APOL2: variants seen among roughly 807,000 people sequenced by gnomAD.
APOL2 encodes the protein apolipoprotein L2, also known as apolipoprotein L, 2.
Under a neutral mutation model 7.1 loss-of-function variants are expected in APOL2, and 8 were observed. The observed-to-expected ratio is 1.12, with a 90% CI of 0.66 to 2.03. APOL2 has a LOEUF of 2.03. Ranked by LOEUF, APOL2 falls within the 30% of genes most tolerant of loss-of-function variation. The pLI, the probability that APOL2 is intolerant of heterozygous loss-of-function variation, is 0.00. For synonymous variants in APOL2, 177 were observed against 159.9 expected (o/e 1.11, Z -0.81); for missense variants, 471 against 415.1 (o/e 1.13, Z -1.17).
rs867579801 is a variant in APOL2 at position 36,228,856 on chromosome 22, G to A, written c.138-576C>T. ...TATTTGGTGTCTTTCCTGACTTCCA[G>A]AGGACTTGGGGACTAAAGGTGTGAG... On this transcript the variant is annotated intron_variant, in intron 4 of 4. Coordinates refer to ENST00000358502, the MANE Select transcript of APOL2 (RefSeq NM_030882.4). 4.7e-4 allele frequency among the ~76,000 whole-genome samples: 71 copies of A among 152,336 alleles called. 1 individual carries two copies. Among genetic ancestry groups the A allele is most frequent in the African/African-American group, 1.5e-3 (64 of 41,566 alleles).
Position 36,238,692 on chromosome 22 carries a change from T to C in APOL2, c.-134+749A>G, listed in dbSNP as rs552130826. On this transcript the variant is annotated intron_variant, in intron 1 of 4. Coordinates refer to ENST00000358502, the MANE Select transcript of APOL2 (RefSeq NM_030882.4). The stretch of plus-strand genomic sequence containing the variant: ...TGCAAAGCTGGCATCATGCCACAGG[T>C]ACCATTCTGCAATGCGACCTTCTCA... Among the ~76,000 whole-genome samples, 7 of 152,288 alleles carry C rather than the reference T, an allele frequency of 4.6e-5. No individual in the cohort carries two copies. In the South Asian group the frequency reaches 1.0e-3, roughly 23 times the overall value.
chr22:36,231,227 G>A, intron 4 of APOL2, 113 bp downstream of exon 4: 1 of 1,405,688 alleles, frequency 7.1e-7, no homozygotes, highest in South Asian at 1.4e-5. Context: ...TCATCCTCAA[G>A]CCCAGCAGAG....
At chr22:36,232,323 C>T (rs534287157) in intron 3 of APOL2, among the ~76,000 whole-genome samples, 122 of 152,220 alleles carry the variant, frequency 8.0e-4, no homozygotes, top group Non-Finnish European at 1.4e-3. Context: ...GGGAATGAGG[C>T]CCTGCCTGAG....
intron 3 of APOL2, among the ~76,000 whole-genome samples, chr22:36,231,912 G>A (rs1034215346): frequency 1.1e-4 from 16 of 152,196 alleles, no homozygotes; most frequent in Non-Finnish European, 2.1e-4. Context: ...TGGCTCTTCT[G>A]AGTCCACCTG....
At chr22:36,238,680 T>C (rs1248702488) in intron 1 of APOL2, among the ~76,000 whole-genome samples, 3 of 152,222 alleles carry the variant, frequency 2.0e-5, no homozygotes, top group East Asian at 1.9e-4. Context: ...AAAGCTGGCA[T>C]CATGCCACAG....
intron 1 of APOL2, among the ~76,000 whole-genome samples, chr22:36,235,702 C>A (rs2015374118): frequency 7.0e-6 from 1 of 143,410 alleles, no homozygotes; most frequent in South Asian, 2.4e-4. Context: ...ACAGGGTGTT[C>A]TAAGAAAGCT....
At chr22:36,238,010 C>G (rs2015469425) in intron 1 of APOL2, among the ~76,000 whole-genome samples, 1 of 152,182 alleles carries the variant, frequency 6.6e-6, no homozygotes, top group South Asian at 2.1e-4. Context: ...GCTGCCTGGT[C>G]CATGCGGCGG....
intron 1 of APOL2, among the ~76,000 whole-genome samples, chr22:36,234,804 T>A (rs548811072): frequency 6.6e-6 from 1 of 152,338 alleles, no homozygotes; most frequent in Non-Finnish European, 1.5e-5. Flanking sequence ...AGGAAGTGTG[T>A]ACCATTGGTA....
intron 1 of APOL2, among the ~76,000 whole-genome samples, chr22:36,233,761 C>T (rs530882160): frequency 5.3e-5 from 8 of 152,322 alleles, no homozygotes; most frequent in Non-Finnish European, 8.8e-5. Flanking sequence ...CACAATAGTG[C>T]TAGAGCCAGG....
intron 4 of APOL2, among the ~76,000 whole-genome samples, chr22:36,230,020 G>A (rs149810223): frequency 7.6e-4 from 116 of 152,342 alleles, no homozygotes; most frequent in Middle Eastern, 3.4e-3. Context: ...TGATGCCTTA[G>A]CAGTGACAGC....
chr22:36,234,913 C>T (rs1008640279), intron 1 of APOL2, among the ~76,000 whole-genome samples: 5 of 152,332 alleles, frequency 3.3e-5, no homozygotes, highest in East Asian at 1.9e-4. Flanking sequence ...CCCAGACAGA[C>T]GGACTCAAGA....
chr22:36,236,584 T>C (rs1012298802), intron 1 of APOL2: 2 of 985,292 alleles, frequency 2.0e-6, no homozygotes, highest in African/African-American at 3.5e-5. Context: ...ATCACCATTG[T>C]TCTTTTCTCA....
intron 4 of APOL2, among the ~76,000 whole-genome samples, chr22:36,230,440 G>T (rs951874890): frequency 6.6e-6 from 1 of 152,122 alleles, no homozygotes; most frequent in Non-Finnish European, 1.5e-5. Flanking sequence ...CATGTCCTCT[G>T]CAAGTTCATG....
At position 36,228,057 on chromosome 22, in the gene APOL2, T is replaced by G; in HGVS notation, c.361A>C (p.Asn121His). The G allele has an allele frequency of 1.9e-6, 3 of 1,614,204 alleles. No homozygotes were observed. The highest frequency in any genetic ancestry group is 2.5e-6 in the Non-Finnish European group (3 of 1,180,014). Residue 121 changes from asparagine to histidine, a missense_variant, in exon 5 of 5, where the codon AAC becomes CAC. Physicochemically the swap from Asn to His is moderately conservative, Grantham distance 68. Transcript: ENST00000358502. ...ATGCCAGAGGTAGTGCCAACAGAGTTGGACACCACATTGGCAATGGTGGTG... is the reference window on the plus strand; with the variant it reads ...ATGCCAGAGGTAGTGCCAACAGAGTGGGACACCACATTGGCAATGGTGGTG... ...RGTTIANVVS[N>H]SVGTTSGILT...
At chr22:36,235,441 A>G (rs2015363413) in intron 1 of APOL2, among the ~76,000 whole-genome samples, 1 of 152,204 alleles carries the variant, frequency 6.6e-6, no homozygotes, top group Non-Finnish European at 1.5e-5. Context: ...TTAAATCTCA[A>G]ACCCATGTCC....
chr22:36,236,679 T>A, intron 1 of APOL2: 2 of 985,044 alleles, frequency 2.0e-6, no homozygotes, highest in Non-Finnish European at 2.4e-6. Context: ...GCTCAGTGGT[T>A]CCCGGGCATC....
At chr22:36,237,790 A>T (rs916264) in intron 1 of APOL2, among the ~76,000 whole-genome samples, 3 of 151,930 alleles carry the variant, frequency 2.0e-5, no homozygotes, top group Non-Finnish European at 2.9e-5. Flanking sequence ...GATGCTCTGG[A>T]CCCCACCTTC....
rs922270707 is a variant in APOL2, at chr22:36,227,164, A to C, written c.*240T>G. ...CCCCGTCTCCAGTGAAAATACAAAA[A>C]AATTAGCCGGGCGTGGTGGCAGGTG... On this transcript the variant is annotated 3_prime_UTR_variant, in exon 5 of 5. Transcript: ENST00000358502. 2.5e-6 allele frequency: 1 copy of C among 405,112 alleles called. No homozygotes were observed. Among genetic ancestry groups the C allele is most frequent in the Non-Finnish European group, 4.3e-6 (1 of 231,706 alleles). The allele number at this position is 405,112 out of a possible 1,614,324, so 25.1% of individuals were successfully genotyped here.
chr22:36,230,716 T>TAAGAC (rs2015192040), intron 4 of APOL2, among the ~76,000 whole-genome samples: 1 of 152,092 alleles, frequency 6.6e-6, no homozygotes. Context: ...AGAAGACAGT[T>TAAGAC]CCAAGTCTCC....
Sources: allele counts gnomAD v4.1 joint callset (sites outside exome capture counted in the v4.1 genomes callset), GRCh38; gene constraint gnomAD v4.1.1; transcripts MANE v1.5; gene names NCBI Gene and HGNC (gene_info 2026-07-23, HGNC 2026-07-21).